The following RAD17 variants were observed in gnomAD, a reference collection of about 807,000 sequenced individuals.
RAD17 encodes cell cycle checkpoint protein RAD17.
A neutral mutation model predicts 81.5 loss-of-function variants in RAD17; 31 were observed. The observed-to-expected ratio is 0.38, with a 90% CI of 0.29 to 0.51. RAD17 has a LOEUF of 0.51. RAD17 is among the 20% of genes least tolerant of loss of function. The pLI is 0.88. For missense variants in RAD17, 681 were observed against 781.2 expected, an observed-to-expected ratio of 0.87 and a Z score of 1.53; for synonymous variants, 261 against 266.2, an observed-to-expected ratio of 0.98 and a Z score of 0.19.
intron 6 of RAD17, 38 bp downstream of exon 6, chr5:69,374,749 A>C (rs182229817): frequency 1.7e-4 from 245 of 1,474,952 alleles, no homozygotes; most frequent in Non-Finnish European, 7.4e-5. Context: ...TTAACATCAA[A>C]TATTTTTCTG....
At chr5:69,410,823 C>G (rs1765925154) in intron 18 of RAD17, among the ~76,000 whole-genome samples, 1 of 151,720 alleles carries the variant, frequency 6.6e-6, no homozygotes, top group Non-Finnish European at 1.5e-5. Context: ...ATCTAGAAAC[C>G]CCTTGCCAGC....
chr5:69,379,409 T>A (rs1763708458), intron 6 of RAD17, among the ~76,000 whole-genome samples: 1 of 152,174 alleles, frequency 6.6e-6, no homozygotes, highest in South Asian at 2.1e-4. Flanking sequence ...ATTGTAGACT[T>A]TTATAAACAT....
At chr5:69,377,453 A>ATATATGTG (rs1327251296) in intron 6 of RAD17, among the ~76,000 whole-genome samples, 1 of 7,678 alleles carries the variant, frequency 1.3e-4, no homozygotes, top group South Asian at 5.3e-3. Context: ...ATATATATAT[A>ATATATGTG]TATATATATA....
At chr5:69,371,218 CATCAT>C (rs1762956866) in intron 2 of RAD17, 47 bp downstream of exon 2, 4 of 511,660 alleles carry the variant, frequency 7.8e-6, no homozygotes, top group Non-Finnish European at 1.5e-5. Flanking sequence ...TTTTCTAATA[CATCAT>C]TGAGTTCATG....
intron 12 of RAD17, among the ~76,000 whole-genome samples, 159 bp from the exon 13 acceptor site, chr5:69,391,672 C>T (rs1764563276): frequency 6.6e-6 from 1 of 151,918 alleles, no homozygotes; most frequent in African/African-American, 2.4e-5. Flanking sequence ...TGTTAGTAAC[C>T]CAAAGAGGAT....
intron 17 of RAD17, among the ~76,000 whole-genome samples, chr5:69,405,392 C>T (rs1423685908): frequency 1.3e-5 from 2 of 151,758 alleles, no homozygotes; most frequent in South Asian, 2.1e-4. Flanking sequence ...ATAGGCCAGG[C>T]GTGGTGGCTC....
At chr5:69,373,663 G>A (rs11948450) in intron 4 of RAD17, among the ~76,000 whole-genome samples, 167 bp from the exon 5 acceptor site, 126,710 of 147,916 alleles carry the variant, frequency 0.86, 55,407 homozygotes, top group Non-Finnish European at 0.95. Flanking sequence ...CTGGGTGACA[G>A]AGTGAGACCC....
Position 69,369,826 on chromosome 5 carries a change from G to A in RAD17, c.-524G>A, listed in dbSNP as rs1043582438. 2.0e-6 allele frequency: 2 copies of A among 1,002,316 alleles called. No homozygotes were observed. Among genetic ancestry groups the A allele is most frequent in the South Asian group, 1.5e-5 (1 of 64,700 alleles). The allele number at this position is 1,002,316 out of a possible 1,614,324, so 62.1% of individuals were successfully genotyped here. ...AAGGTCCCCGGGAGGCCGTACCTCCGAGAGGCTCGGCGTTGAGCCCGGGTA... is the reference window on the plus strand; with the variant it reads ...AAGGTCCCCGGGAGGCCGTACCTCCAAGAGGCTCGGCGTTGAGCCCGGGTA... On this transcript the variant is annotated 5_prime_UTR_variant, in exon 1 of 19. Transcript: ENST00000354868.
At position 69,393,466 on chromosome 5, in the gene RAD17, T is replaced by A; in HGVS notation, c.1388T>A (p.Leu463Gln). ...GATATTGTGAGAGCCAGTGAATTTC[T>A]GAGTTTTGCAGATATCCTCAGTGGT... ...IDDIVRASEF[L>Q]SFADILSGDW... Residue 463 changes from leucine to glutamine, a missense_variant, in exon 15 of 19, where the codon CTG becomes CAG. Transcript: ENST00000354868. 1 of 1,610,538 alleles carries A rather than the reference T, an allele frequency of 6.2e-7. No homozygotes were observed. The highest frequency in any genetic ancestry group is 8.5e-7 in the Non-Finnish European group (1 of 1,178,846).
Position 69,391,865 on chromosome 5 carries a change from G to A in RAD17, c.1041G>A (p.Met347Ile). 1.3e-6 allele frequency: 2 copies of A among 1,568,786 alleles called. No homozygotes were observed. Among genetic ancestry groups the A allele is most frequent in the Non-Finnish European group, 1.7e-6 (2 of 1,165,224 alleles). Residue 347 changes from methionine to isoleucine, a missense_variant, in exon 13 of 19, where the codon ATG (methionine) becomes ATA (isoleucine). Transcript: ENST00000354868. ...ENNLRPRKKG[M>I]SLKSDAVLSK... ...ACTTACGGCCAAGGAAAAAAGGAAT[G>A]TCTTTAAAATCAGATGCTGTGCTGT...
At chr5:69,405,346 C>G (rs1472370330) in intron 17 of RAD17, among the ~76,000 whole-genome samples, 3 of 149,510 alleles carry the variant, frequency 2.0e-5, no homozygotes, top group Non-Finnish European at 4.4e-5. Flanking sequence ...ACTAAAAACA[C>G]ACACACAAAA....
chr5:69,390,396 A>G (rs1201100182), intron 12 of RAD17, among the ~76,000 whole-genome samples: 2 of 152,180 alleles, frequency 1.3e-5, no homozygotes, highest in Non-Finnish European at 2.9e-5. Context: ...CCTGAAGCCA[A>G]GGTGGGTGGA....
chr5:69,383,205 T>G (rs1763962718), intron 7 of RAD17, among the ~76,000 whole-genome samples: 1 of 152,126 alleles, frequency 6.6e-6, no homozygotes, highest in African/African-American at 2.4e-5. Context: ...AAACTAGGGA[T>G]AGCCAAATCT....
intron 17 of RAD17, among the ~76,000 whole-genome samples, chr5:69,408,034 T>A (rs1294337890): frequency 6.6e-6 from 1 of 152,238 alleles, no homozygotes; most frequent in African/African-American, 2.4e-5. Flanking sequence ...TTTACTACTT[T>A]GAGCATGATT....
chr5:69,413,456 G>GA (rs1472469797), intron 18 of RAD17, among the ~76,000 whole-genome samples: 10 of 152,124 alleles, frequency 6.6e-5, no homozygotes, highest in African/African-American at 2.4e-4. Flanking sequence ...AAAGAAAAAA[G>GA]AAAAATTCTT....
chr5:69,374,517 T>G, intron 5 of RAD17, 111 bp from the exon 6 acceptor site: 2 of 630,580 alleles, frequency 3.2e-6, no homozygotes, highest in Non-Finnish European at 5.4e-6. Context: ...ATATAGATTG[T>G]TACTGATTTG....
chr5:69,384,860 G>T lies in RAD17; in HGVS notation c.572G>T (p.Arg191Ile). 2 of 1,612,394 alleles carry T rather than the reference G, an allele frequency of 1.2e-6. No individual in the cohort carries two copies. The highest frequency in any genetic ancestry group is 1.7e-6 in the Non-Finnish European group (2 of 1,178,832). Residue 191 changes from arginine (R) to isoleucine (I), a missense_variant, in exon 8 of 19, where the codon AGA (arginine) becomes ATA (isoleucine). Transcript: ENST00000354868. ...QIAVFKEFLL[R>I]ATKYNKLQML... is the part of the protein sequence containing the mutation. ...GCAGTTTTCAAAGAGTTTCTACTAAGAGCGACAAAGTATAACAAGTTACAA... is the reference window on the plus strand; with the variant it reads ...GCAGTTTTCAAAGAGTTTCTACTAATAGCGACAAAGTATAACAAGTTACAA...
In RAD17 at chr5:69,371,638, C is replaced by T. The variant is rs182471516; in HGVS notation, c.-176+81C>T. 3.4e-5 allele frequency: 25 copies of T among 732,356 alleles called. No individual in the cohort carries two copies. The African/African-American group carries it at 4.1e-4, about 12-fold the overall frequency. 45.4% of individuals were successfully genotyped at this position (732,356 alleles called of 1,614,324 possible). A position where few individuals can be genotyped will look rare whatever the true frequency, so the allele number is the denominator to read the frequency against. ...TATATATATTCTTAATAACTTATTACTGCTATCAAAGTAATAGAGCCGAGT... is the reference window on the plus strand; with the variant it reads ...TATATATATTCTTAATAACTTATTATTGCTATCAAAGTAATAGAGCCGAGT... On this transcript the variant is annotated intron_variant, in intron 3 of 18. Transcript: ENST00000354868.
intron 4 of RAD17, 113 bp from the exon 5 acceptor site, chr5:69,373,700 TTTTTTTTTTTTTTTTTA>T (rs1423662094): frequency 7.3e-6 from 4 of 546,502 alleles, no homozygotes; most frequent in African/African-American, 2.1e-5. Context: ...TTTTTTTTTT[TTTTTTTTTTTTTTTTTA>T]AGTTTTAAAG....
Sources: gnomAD v4.1 joint callset for allele counts (sites outside exome capture counted in the v4.1 genomes callset) on GRCh38, gnomAD v4.1.1 for gene constraint, MANE v1.5 for transcripts, NCBI Gene and HGNC (gene_info 2026-07-23, HGNC 2026-07-21) for gene names.